Variants in THSD1 observed in about 807,000 individuals in gnomAD.
THSD1 encodes thrombospondin type 1 domain containing 1, also known as thrombospondin type-1 domain-containing protein 1.
In THSD1, 34 loss-of-function variants were observed where a neutral mutation model predicts 46.3. The ratio of observed to expected loss-of-function variants is 0.74; its 90% CI spans 0.56 to 0.98. THSD1 has a LOEUF of 0.98. Among genes scored for constraint, THSD1 ranks in the 50% least tolerant of loss-of-function variants. The probability of loss-of-function intolerance (pLI) is 0.00; values close to 1 mark genes in which losing one functional copy is unlikely to be tolerated. For missense variants in THSD1, 1,023 were observed against 1,058.3 expected, an observed-to-expected ratio of 0.97 and a Z score of 0.46; for synonymous variants, 407 against 416.5, an observed-to-expected ratio of 0.98 and a Z score of 0.28.
At chr13:52,398,285 T>G in intron 2 of THSD1, 91 bp from the exon 3 acceptor site, 2 of 1,512,060 alleles carry the variant, frequency 1.3e-6, no homozygotes, top group Non-Finnish European at 1.8e-6. Context: ...TTAAATTTTT[T>G]TTTGAGACAG....
rs1340093214 is a variant in THSD1 at position 52,378,512 on chromosome 13, C to T, written c.1458G>A (p.Thr486=). 4 of 1,614,122 alleles carry T rather than the reference C, an allele frequency of 2.5e-6. No individual in the cohort carries two copies. Among genetic ancestry groups the T allele is most frequent in the East Asian group, 4.5e-5 (2 of 44,862 alleles). Residue 486 remains threonine, a synonymous_variant, in exon 5 of 5, where the codon ACG becomes ACA. Coordinates refer to ENST00000258613, the MANE Select transcript of THSD1 (RefSeq NM_018676.4). The part of the protein sequence containing the change: ...GSFSDGGDGP[T]GSPGDTGIPL... ...GGATGCCTGTGTCCCCTGGACTCCC[C>T]GTGGGCCCGTCTCCCCCATCCGAGA...
intron 2 of THSD1, among the ~76,000 whole-genome samples, chr13:52,400,779 C>T (rs1383143144): frequency 6.6e-6 from 1 of 152,154 alleles, no homozygotes; most frequent in Non-Finnish European, 1.5e-5. Flanking sequence ...AACCTCTATG[C>T]TCTTTTTTTA....
At position 52,405,113 on chromosome 13, in the gene THSD1, T is replaced by A. The variant is rs1033834631; in HGVS notation, c.-82+918A>T. ...AAATTAAGAACTTAGATATATTTTA[T>A]ACACATTTGAAAATACTTCTACCTA... On this transcript the variant is annotated intron_variant, in intron 1 of 4. Transcript: ENST00000258613. Among the ~76,000 whole-genome samples, 11 of 152,246 alleles carry A rather than the reference T, an allele frequency of 7.2e-5. No homozygotes were observed. The South Asian group carries it at 2.3e-3, about 31-fold the overall frequency.
Position 52,385,208 on chromosome 13 carries a change from A to T in THSD1, c.1180+820T>A, listed in dbSNP as rs1314952408. ...TGGAATTGGAGAGTACAATGACAAG[A>T]TAAAATCCTTGACACAAGGACTTTT... On this transcript the variant is annotated intron_variant, in intron 4 of 4. Coordinates refer to ENST00000258613, the MANE Select transcript of THSD1 (RefSeq NM_018676.4). Among the ~76,000 whole-genome samples, 21 of 152,218 alleles carry T rather than the reference A, an allele frequency of 1.4e-4. 1 individual carries two copies. The highest frequency in any genetic ancestry group is 1.2e-3 in the Admixed American group (19 of 15,280).
At chr13:52,397,201 T>C (rs754822059) in intron 3 of THSD1, 31 bp downstream of exon 3, 11 of 1,504,794 alleles carry the variant, frequency 7.3e-6, no homozygotes, top group Non-Finnish European at 9.8e-6. Context: ...AAGGATTTGA[T>C]TTAAAATGTT....
At chr13:52,402,961 G>A (rs955622980) in intron 1 of THSD1, 9 of 985,232 alleles carry the variant, frequency 9.1e-6, no homozygotes, top group South Asian at 4.7e-5. Flanking sequence ...ACATCCTGAC[G>A]TGGAGAGTTT....
At chr13:52,384,184 C>CA (rs754288122) in intron 4 of THSD1, 14,031 of 161,138 alleles carry the variant, frequency 0.087, 175 homozygotes, top group African/African-American at 0.17. Flanking sequence ...AACTCCGTCT[C>CA]AAAAAAAAAA....
chr13:52,390,858 TA>T (rs1288074683), intron 3 of THSD1, among the ~76,000 whole-genome samples: 1 of 152,126 alleles, frequency 6.6e-6, no homozygotes. Flanking sequence ...TTTAAGTGCA[TA>T]AAGTCATTTG....
chr13:52,378,479 G>C lies in THSD1; in HGVS notation c.1491C>G (p.Thr497=). Residue 497 remains threonine, a synonymous_variant, in exon 5 of 5, where the codon ACC becomes ACG. Coordinates refer to ENST00000258613, the MANE Select transcript of THSD1 (RefSeq NM_018676.4). ...GSPGDTGIPL[T]YRRSGPVPPE... ...GAGGTACCGGCCCGCTCCGCCTGTAGGTCAGAGGGATGCCTGTGTCCCCTG... is the reference window on the plus strand; with the variant it reads ...GAGGTACCGGCCCGCTCCGCCTGTACGTCAGAGGGATGCCTGTGTCCCCTG... 3.7e-6 allele frequency: 6 copies of C among 1,614,192 alleles called. No individual in the cohort carries two copies. Among genetic ancestry groups the C allele is most frequent in the Non-Finnish European group, 5.1e-6 (6 of 1,180,044 alleles).
At chr13:52,388,569 G>A (rs1438654572) in intron 3 of THSD1, among the ~76,000 whole-genome samples, 10 of 151,922 alleles carry the variant, frequency 6.6e-5, no homozygotes, top group South Asian at 4.2e-4. Flanking sequence ...ACCTCCACCC[G>A]CCTGGGTTCA....
chr13:52,382,128 G>C (rs1336338174), intron 4 of THSD1, among the ~76,000 whole-genome samples: 1 of 152,150 alleles, frequency 6.6e-6, no homozygotes, highest in Non-Finnish European at 1.5e-5. Flanking sequence ...GGCTCCACTA[G>C]CTCTACTATC....
At chr13:52,399,675 C>CAT (rs1957838687) in intron 2 of THSD1, among the ~76,000 whole-genome samples, 1 of 152,320 alleles carries the variant, frequency 6.6e-6, no homozygotes, top group Non-Finnish European at 1.5e-5. Flanking sequence ...TTGATTATCA[C>CAT]TTGTTTGAAA....
chr13:52,377,740 G>A lies in THSD1; in HGVS notation c.2230C>T (p.Gln744Ter). 1 of 1,613,896 alleles carries A rather than the reference G, an allele frequency of 6.2e-7. No homozygotes were observed. Among genetic ancestry groups the A allele is most frequent in the Non-Finnish European group, 8.5e-7 (1 of 1,179,820 alleles). ...PLRKPDLGDH[Q>*]AGLVAGIERT... ...TCAATTCCGGCCACTAATCCTGCCT[G>A]GTGATCCCCAAGGTCTGGTTTCCTC... is the stretch of plus-strand genomic sequence containing the variant. The change falls in exon 5 of 5, where the codon CAG (glutamine) becomes TAG (stop). Residue 744 changes from glutamine to a stop codon, truncating the protein, a stop_gained. Coordinates refer to ENST00000258613, the MANE Select transcript of THSD1 (RefSeq NM_018676.4). LOFTEE classifies it high-confidence loss of function.
chr13:52,390,159 T>G (rs1957763089), intron 3 of THSD1, among the ~76,000 whole-genome samples: 1 of 150,822 alleles, frequency 6.6e-6, no homozygotes, highest in Non-Finnish European at 1.5e-5. Flanking sequence ...AAAAAAGAAT[T>G]ATTTTAATAA....
rs1184933197 is a variant in THSD1, at chr13:52,378,773, G to A, written c.1197C>T (p.Ser399=). The change falls in exon 5 of 5, where the codon AGC becomes AGT. Residue 399 remains serine (S), a synonymous_variant. Coordinates refer to ENST00000258613, the MANE Select transcript of THSD1 (RefSeq NM_018676.4). ...GACCCTGGGGCTGAAGAGGAGATGG[G>A]CTGGATGGCTGGAAAGCTGCAAAAA... ...LEECAAFQPS[S]PSPLQPQGPV... is the part of the protein sequence containing the mutation. 1 of 1,584,108 alleles carries A rather than the reference G, an allele frequency of 6.3e-7. No individual in the cohort carries two copies. The highest frequency in any genetic ancestry group is 2.3e-5 in the East Asian group (1 of 44,334).
In THSD1 at chr13:52,402,820, C is replaced by T. The variant is rs978656206; in HGVS notation, c.-81-139G>A. 13 of 1,358,874 alleles carry T rather than the reference C, an allele frequency of 9.6e-6. No homozygotes were observed. The East Asian group carries it at 3.3e-4, about 35-fold the overall frequency. 84.2% of individuals were successfully genotyped at this position (1,358,874 alleles called of 1,614,324 possible). On this transcript the variant is annotated intron_variant, in intron 1 of 4. Coordinates refer to ENST00000258613, the MANE Select transcript of THSD1 (RefSeq NM_018676.4). ...AAACTAGAGAGGACACTAATTTTCC[C>T]TGGGGCAATGACTTATAATTATACA...
chr13:52,400,061 G>A (rs1957842571), intron 2 of THSD1: 1 of 151,430 alleles, frequency 6.6e-6, no homozygotes, highest in Admixed American at 6.6e-5. Flanking sequence ...CACCAAAGTT[G>A]GTATATGACC....
intron 4 of THSD1, 107 bp from the exon 5 acceptor site, chr13:52,378,896 T>C: frequency 7.9e-7 from 1 of 1,263,020 alleles, no homozygotes; most frequent in South Asian, 1.6e-5. Context: ...GGAGTCTTGC[T>C]CTGTTGCCCA....
At chr13:52,385,888 A>G (rs1230139311) in intron 4 of THSD1, 140 bp downstream of exon 4, 1 of 688,202 alleles carries the variant, frequency 1.5e-6, no homozygotes, top group Non-Finnish European at 2.4e-6. Context: ...ATACAGGGTT[A>G]GTACAACCAA....
Sources: gnomAD v4.1 joint callset for allele counts (sites outside exome capture counted in the v4.1 genomes callset) on GRCh38, gnomAD v4.1.1 for gene constraint, MANE v1.5 for transcripts, NCBI Gene and HGNC (gene_info 2026-07-23, HGNC 2026-07-21) for gene names.